Variants in PNISR observed in about 807,000 individuals in gnomAD.
PNISR encodes PNN interacting serine and arginine rich protein.
PNISR carries 20 observed loss-of-function variants against 93.4 expected under a neutral mutation model. That is an observed-to-expected ratio of 0.21 (90% confidence interval 0.15 to 0.31). The LOEUF is 0.31. Among genes scored for constraint, PNISR ranks in the 10% least tolerant of loss-of-function variants. The pLI, the probability that PNISR is intolerant of heterozygous loss-of-function variation, is 1.00. For missense variants in PNISR, 893 were observed against 985.4 expected (o/e 0.91, Z 1.25); for synonymous variants, 305 against 306.5 (o/e 0.99, Z 0.05).
At chr6:99,409,945 A>G (rs1562242423) in intron 5 of PNISR, 1 of 152,522 alleles carries the variant, frequency 6.6e-6, no homozygotes, top group Non-Finnish European at 1.5e-5. Flanking sequence ...AACAACATAA[A>G]AACTGTTGTA....
chr6:99,403,397 T>C (rs1225906939), intron 10 of PNISR: 1 of 152,690 alleles, frequency 6.5e-6, no homozygotes, highest in Non-Finnish European at 1.5e-5. Flanking sequence ...AAAACTTGAC[T>C]TGCCGCAACA....
At chr6:99,412,497 ATCT>A (rs1777071161) in intron 4 of PNISR, 51 bp downstream of exon 4, 1 of 1,260,226 alleles carries the variant, frequency 7.9e-7, no homozygotes, top group African/African-American at 1.5e-5. Context: ...TTTAATAATA[ATCT>A]TCATTCTGTT....
Position 99,401,647 on chromosome 6 carries a change from CAAAA to C in PNISR, c.1328-21_1328-18del. 1 of 1,499,802 alleles carries C rather than the reference CAAAA, an allele frequency of 6.7e-7. No homozygotes were observed. Among genetic ancestry groups the C allele is most frequent in the Non-Finnish European group, 8.8e-7 (1 of 1,130,102 alleles). The allele number at this position is 1,499,802 out of a possible 1,614,324, so 92.9% of individuals were successfully genotyped here. ...GCTTTTCTTCTGAAACAGAAAAAGA[CAAAA>C]ACACTAAGAAAATGTTCATGTAAAA... On this transcript the variant is annotated intron_variant, in intron 11 of 11. Transcript: ENST00000369239.
At position 99,425,282 on chromosome 6, in the gene PNISR, TCTA is replaced by T. The variant is rs1779365108; in HGVS notation, c.-182_-180del. 3 of 1,232,142 alleles carry T rather than the reference TCTA, an allele frequency of 2.4e-6. No individual in the cohort carries two copies. The highest frequency in any genetic ancestry group is 4.1e-5 in the South Asian group (1 of 24,320). 76.3% of individuals were successfully genotyped at this position (1,232,142 alleles called of 1,614,324 possible). A position where few individuals can be genotyped will look rare whatever the true frequency, so the allele number is the denominator to read the frequency against. On this transcript the variant is annotated 5_prime_UTR_variant, in exon 1 of 12. Transcript: ENST00000369239. The stretch of plus-strand genomic sequence containing the variant: ...ACACCTCTCCAACGCTTTCGATGCT[TCTA>T]CTTCTTCGGGAACAAGACAAGATGG...
intron 1 of PNISR, among the ~76,000 whole-genome samples, chr6:99,424,577 G>C (rs1236598515): frequency 1.3e-5 from 2 of 152,116 alleles, no homozygotes; most frequent in Admixed American, 6.5e-5. Flanking sequence ...GTTTTACTTG[G>C]GGGCAGGGGG....
rs143393166 is a variant in PNISR at position 99,404,637 on chromosome 6, G to A, written c.1068C>T (p.Tyr356=). 3.6e-5 allele frequency: 58 copies of A among 1,604,894 alleles called. No individual in the cohort carries two copies. In the East Asian group the frequency reaches 5.8e-4, roughly 16 times the overall value. ...CTTTGCGGTGTGCATCTTTGGCTAC[G>A]TAATAAATTTCTTCATCTGTGACAT... is the stretch of plus-strand genomic sequence containing the variant. ...LLDVTDEEIY[Y]VAKDAHRKAT... is the part of the protein sequence containing the mutation. The change falls in exon 9 of 12, where the codon TAC becomes TAT. Residue 356 remains tyrosine, a synonymous_variant. Coordinates refer to ENST00000369239, the MANE Select transcript of PNISR (RefSeq NM_032870.4).
Position 99,407,754 on chromosome 6 carries a change from T to C in PNISR, c.864+327A>G, listed in dbSNP as rs60875931. Among the ~76,000 whole-genome samples, 345 of 152,308 alleles carry C rather than the reference T, an allele frequency of 2.3e-3. 1 individual carries two copies. The highest frequency in any genetic ancestry group is 8.0e-3 in the African/African-American group (334 of 41,576). On this transcript the variant is annotated intron_variant, in intron 7 of 11. Transcript: ENST00000369239. ...TGTTTAAATGTTCAAAAGAGGGAGA[T>C]TTTATTTCTCTATTACTATTTTAAT...
intron 1 of PNISR, among the ~76,000 whole-genome samples, chr6:99,417,363 T>G (rs1457098781): frequency 1.3e-5 from 2 of 152,334 alleles, no homozygotes; most frequent in South Asian, 2.1e-4. Context: ...GTTCCCCTTT[T>G]AAGTTTTCTG....
At position 99,401,119 on chromosome 6, in the gene PNISR, G is replaced by T; in HGVS notation, c.1839C>A (p.Ser613=). Reference sequence around the variant, plus strand: ...GACTTCTACTTCTACGTCTCTCTCGGGAAGGACTCCGATTTCGTCGTCTTT... The same window carrying T: ...GACTTCTACTTCTACGTCTCTCTCGTGAAGGACTCCGATTTCGTCGTCTTT... ...ERERRRNRSP[S]RERRRSRSRS... The change falls in exon 12 of 12, where the codon TCC becomes TCA. Residue 613 remains serine, a synonymous_variant. Coordinates refer to ENST00000369239, the MANE Select transcript of PNISR (RefSeq NM_032870.4). The T allele has an allele frequency of 6.2e-7, 1 of 1,613,778 alleles. No homozygotes were observed. The highest frequency in any genetic ancestry group is 8.5e-7 in the Non-Finnish European group (1 of 1,179,998).
At chr6:99,417,947 G>A (rs1582839202) in intron 1 of PNISR, among the ~76,000 whole-genome samples, 1 of 126,224 alleles carries the variant, frequency 7.9e-6, no homozygotes, top group South Asian at 2.7e-4. Context: ...TAGCCTGGGC[G>A]ACAAGAGCGA....
intron 9 of PNISR, chr6:99,404,115 G>T: frequency 4.0e-6 from 2 of 497,716 alleles, no homozygotes; most frequent in Non-Finnish European, 7.1e-6. Context: ...AGGTATATCT[G>T]TATGTCTACT....
chr6:99,416,472 T>G (rs1777715593), intron 1 of PNISR, 44 bp from the exon 2 acceptor site: 1 of 648,388 alleles, frequency 1.5e-6, no homozygotes, highest in South Asian at 7.9e-5. Flanking sequence ...ATTATCATGA[T>G]TCACATAAAA....
At chr6:99,412,792 T>C in intron 3 of PNISR, 53 bp from the exon 4 acceptor site, 1 of 1,060,498 alleles carries the variant, frequency 9.4e-7, no homozygotes, top group Non-Finnish European at 1.3e-6. Flanking sequence ...GTTAAAAGAA[T>C]AGTGCCTCTA....
intron 1 of PNISR, among the ~76,000 whole-genome samples, chr6:99,420,833 G>A (rs1450321580): frequency 6.6e-6 from 1 of 152,146 alleles, no homozygotes; most frequent in Non-Finnish European, 1.5e-5. Flanking sequence ...TTTTTATAGA[G>A]GGTCTGCATT....
intron 9 of PNISR, 150 bp from the exon 10 acceptor site, chr6:99,404,032 G>A (rs932451250): frequency 3.4e-6 from 2 of 593,574 alleles, no homozygotes; most frequent in Middle Eastern, 2.8e-4. Flanking sequence ...TTTTAAACCA[G>A]TATCATGTCT....
Position 99,401,370 on chromosome 6 carries a change from T to C in PNISR, c.1588A>G (p.Thr530Ala). 1 of 1,609,964 alleles carries C rather than the reference T, an allele frequency of 6.2e-7. No homozygotes were observed. Among genetic ancestry groups the C allele is most frequent in the East Asian group, 2.2e-5 (1 of 44,844 alleles). The change falls in exon 12 of 12, where the codon ACT (threonine) becomes GCT (alanine). Residue 530 changes from threonine (T) to alanine (A), a missense_variant. Physicochemically the swap from Thr to Ala is moderately conservative, Grantham distance 58. Transcript: ENST00000369239. The part of the protein sequence containing the change: ...SNSRTSSTSS[T>A]VSSSSYSSSS... ...GAACTGTATGAAGAGCTAGAGACAG[T>C]ACTACTAGTACTACTAGTTCTGCTA...
rs1011128085 is a variant in PNISR, at chr6:99,416,276, T to C, written c.-32+73A>G. On this transcript the variant is annotated intron_variant, in intron 2 of 11. Coordinates refer to ENST00000369239, the MANE Select transcript of PNISR (RefSeq NM_032870.4). ...AGAGCCCTTGAAAAGTAACTTCGCT[T>C]ACAACTTTAATTAAGAGTTAACAAA... The C allele has an allele frequency of 4.4e-5, 21 of 474,956 alleles. No homozygotes were observed. The Admixed American group carries it at 6.2e-4, about 14-fold the overall frequency. 29.4% of individuals were successfully genotyped at this position (474,956 alleles called of 1,614,324 possible).
At chr6:99,410,401 A>ATTC in intron 5 of PNISR, 1 of 218,968 alleles carries the variant, frequency 4.6e-6, no homozygotes, top group South Asian at 8.7e-5. Flanking sequence ...CATGAGCTAT[A>ATTC]TTCAATTACT....
At position 99,402,565 on chromosome 6, in the gene PNISR, C is replaced by A; in HGVS notation, c.1302G>T (p.Gln434His). 2 of 1,613,070 alleles carry A rather than the reference C, an allele frequency of 1.2e-6. No individual in the cohort carries two copies. The highest frequency in any genetic ancestry group is 1.7e-6 in the Non-Finnish European group (2 of 1,179,342). The change falls in exon 11 of 12, where the codon CAG becomes CAT. Residue 434 changes from glutamine (Q) to histidine (H), a missense_variant. Gln to His is a conservative substitution (Grantham distance 24, BLOSUM62 0). This residue lies in a region of PNISR where 866 missense variants were observed against 935.1 expected (regional missense o/e 0.93). Transcript: ENST00000369239. ...EAFWRKEKEQQLLHDKQMEEE... is the reference protein window; with the variant it reads ...EAFWRKEKEQHLLHDKQMEEE... ...CTTCCATCTGTTTATCATGTAATAG[C>A]TGCTGTTCTTTTTCTTTTCTCCAAA...
Sources: gnomAD v4.1 joint callset for allele counts (sites outside exome capture counted in the v4.1 genomes callset) on GRCh38, gnomAD v4.1.1 for gene constraint, gnomAD v4.1.1 regional missense constraint, MANE v1.5 for transcripts, NCBI Gene and HGNC (gene_info 2026-07-23, HGNC 2026-07-21) for gene names.